The following PIP5K1B variants were observed in gnomAD, a reference collection of about 807,000 sequenced individuals.
The protein encoded by PIP5K1B is phosphatidylinositol 4-phosphate 5-kinase type-1 beta.
Under a neutral mutation model 67.0 loss-of-function variants are expected in PIP5K1B, and 42 were observed. The observed-to-expected ratio is 0.63, with a 90% CI of 0.49 to 0.81. PIP5K1B has a LOEUF of 0.81. Among genes scored for constraint, PIP5K1B ranks in the 30% least tolerant of loss-of-function variants. The pLI is 0.00. For synonymous variants in PIP5K1B, 214 were observed against 231.4 expected, an observed-to-expected ratio of 0.92 and a Z score of 0.68; for missense variants, 459 against 646.3, an observed-to-expected ratio of 0.71 and a Z score of 3.14.
intron 4 of PIP5K1B, among the ~76,000 whole-genome samples, chr9:68,844,178 T>G (rs1822063368): frequency 6.6e-6 from 1 of 152,214 alleles, no homozygotes; most frequent in Admixed American, 6.5e-5. Flanking sequence ...AGCTTGGCAT[T>G]GAGATGATCT....
intron 8 of PIP5K1B, among the ~76,000 whole-genome samples, chr9:68,899,330 C>T (rs185436749): frequency 1.3e-5 from 2 of 152,264 alleles, no homozygotes; most frequent in African/African-American, 4.8e-5. Context: ...TACTTTTTCA[C>T]ATGTAAATCC....
chr9:68,958,936 T>C (rs1828556134), intron 14 of PIP5K1B, among the ~76,000 whole-genome samples: 1 of 152,198 alleles, frequency 6.6e-6, no homozygotes, highest in Non-Finnish European at 1.5e-5. Flanking sequence ...AGTATAATCG[T>C]CACCTTTGAT....
chr9:68,856,452 G>C (rs773588083), intron 4 of PIP5K1B, among the ~76,000 whole-genome samples: 1 of 152,096 alleles, frequency 6.6e-6, no homozygotes, highest in Non-Finnish European at 1.5e-5. Context: ...TCACTTTTCA[G>C]GTCTCAGCCT....
intron 2 of PIP5K1B, among the ~76,000 whole-genome samples, chr9:68,809,681 A>G (rs554483457): frequency 6.6e-5 from 10 of 152,192 alleles, no homozygotes; most frequent in Non-Finnish European, 1.5e-4. Context: ...AAGCAAGCCA[A>G]CACGGTGCCC....
At chr9:68,791,263 C>A (rs1293839136) in intron 2 of PIP5K1B, among the ~76,000 whole-genome samples, 1 of 152,094 alleles carries the variant, frequency 6.6e-6, no homozygotes, top group African/African-American at 2.4e-5. Context: ...GTTTTAATGT[C>A]GAGATGCCAA....
intron 4 of PIP5K1B, among the ~76,000 whole-genome samples, chr9:68,827,115 G>A (rs998679222): frequency 2.6e-5 from 4 of 152,144 alleles, no homozygotes; most frequent in Admixed American, 6.5e-5. Context: ...TTGATGTCAG[G>A]GAGTCCAATG....
intron 14 of PIP5K1B, among the ~76,000 whole-genome samples, chr9:68,959,830 G>A (rs1255206935): frequency 6.6e-6 from 1 of 152,060 alleles, no homozygotes; most frequent in Non-Finnish European, 1.5e-5. Context: ...ATGTCTAATT[G>A]GTTCAGACGC....
At chr9:68,945,488 A>G (rs112440061) in intron 14 of PIP5K1B, among the ~76,000 whole-genome samples, 43 of 152,336 alleles carry the variant, frequency 2.8e-4, no homozygotes, top group African/African-American at 9.4e-4. Context: ...TTGTTCTACC[A>G]GCTATTGGTG....
intron 14 of PIP5K1B, among the ~76,000 whole-genome samples, chr9:68,945,989 T>C (rs1390567387): frequency 6.6e-6 from 1 of 152,210 alleles, no homozygotes; most frequent in East Asian, 1.9e-4. Flanking sequence ...TAATTTAAAT[T>C]TATAAGAAAC....
intron 15 of PIP5K1B, among the ~76,000 whole-genome samples, chr9:68,995,244 A>AGAGAGAGAGAAG (rs1433680627): frequency 6.6e-6 from 1 of 151,682 alleles, no homozygotes; most frequent in Non-Finnish European, 1.5e-5. Context: ...AAAGAGAGAA[A>AGAGAGAGAGAAG]GAAAGAGAAA....
chr9:68,943,629 C>T (rs1056266), intron 14 of PIP5K1B, among the ~76,000 whole-genome samples: 15,838 of 150,688 alleles, frequency 0.11, 1,094 homozygotes, highest in Non-Finnish European at 0.16. Context: ...AAACCTAATC[C>T]AGAGAGCCTG....
intron 14 of PIP5K1B, among the ~76,000 whole-genome samples, chr9:68,946,663 G>A (rs1187124573): frequency 6.6e-6 from 1 of 152,080 alleles, no homozygotes; most frequent in Admixed American, 6.6e-5. Context: ...AAAAGTGCTG[G>A]GATTACAGGC....
intron 8 of PIP5K1B, among the ~76,000 whole-genome samples, chr9:68,904,544 A>G (rs1282418463): frequency 1.3e-5 from 2 of 152,244 alleles, no homozygotes; most frequent in Non-Finnish European, 2.9e-5. Context: ...ACATTTGCCA[A>G]CTGTTACCAA....
chr9:68,730,720 G>C (rs570466905), intron 1 of PIP5K1B, among the ~76,000 whole-genome samples: 2 of 152,318 alleles, frequency 1.3e-5, no homozygotes, highest in African/African-American at 4.8e-5. Flanking sequence ...AAACTCTTGA[G>C]CTTGTCACAC....
chr9:68,925,017 T>A (rs1316043081), intron 12 of PIP5K1B, among the ~76,000 whole-genome samples: 1 of 152,178 alleles, frequency 6.6e-6, no homozygotes, highest in Non-Finnish European at 1.5e-5. Context: ...TCACATAACA[T>A]TATAACATGA....
At chr9:68,747,172 C>T (rs1019613297) in intron 2 of PIP5K1B, among the ~76,000 whole-genome samples, 9 of 150,836 alleles carry the variant, frequency 6.0e-5, no homozygotes, top group African/African-American at 1.7e-4. Flanking sequence ...CCGTATAAGG[C>T]CCTGGGGGCA....
At chr9:68,941,746 T>C in intron 14 of PIP5K1B, among the ~76,000 whole-genome samples, 1 of 152,238 alleles carries the variant, frequency 6.6e-6, no homozygotes, top group East Asian at 1.9e-4. Flanking sequence ...GTTCAGTTGA[T>C]TTCCAGGAAG....
chr9:68,752,041 A>T (rs376904607), intron 2 of PIP5K1B, among the ~76,000 whole-genome samples: 1 of 152,260 alleles, frequency 6.6e-6, no homozygotes, highest in East Asian at 1.9e-4. Context: ...TAATTTTATA[A>T]ATGTATTAAA....
At chr9:68,849,534 T>C (rs897325986) in intron 4 of PIP5K1B, among the ~76,000 whole-genome samples, 2 of 152,044 alleles carry the variant, frequency 1.3e-5, no homozygotes, top group African/African-American at 4.8e-5. Context: ...CCCAGCTAAT[T>C]TTTGCATTTT....
Sources: gnomAD v4.1 joint callset for allele counts (sites outside exome capture counted in the v4.1 genomes callset) on GRCh38, gnomAD v4.1.1 for gene constraint, MANE v1.5 for transcripts, NCBI Gene and HGNC (gene_info 2026-07-23, HGNC 2026-07-21) for gene names.